The following ARID4A variants were observed in gnomAD, a reference collection of about 807,000 sequenced individuals.
The protein encoded by ARID4A is AT-rich interactive domain-containing protein 4A.
Under a neutral mutation model 148.6 loss-of-function variants are expected in ARID4A, and 39 were observed. That is an observed-to-expected ratio of 0.26 (90% confidence interval 0.20 to 0.34). The LOEUF (loss-of-function observed/expected upper bound fraction) is 0.34. ARID4A is among the 10% of genes least tolerant of loss of function. The probability of loss-of-function intolerance (pLI) is 1.00; values close to 1 mark genes in which losing one functional copy is unlikely to be tolerated. For synonymous variants in ARID4A, 475 were observed against 481.2 expected (o/e 0.99, Z 0.17); for missense variants, 1,265 against 1,449.1 (o/e 0.87, Z 2.06).
At chr14:58,359,434 A>G (rs765023916) in intron 18 of ARID4A, among the ~76,000 whole-genome samples, 7 of 152,126 alleles carry the variant, frequency 4.6e-5, no homozygotes, top group Non-Finnish European at 1.0e-4. Flanking sequence ...TGATGTGCCT[A>G]CATTGACACA....
intron 7 of ARID4A, among the ~76,000 whole-genome samples, chr14:58,319,169 C>T (rs1205084400): frequency 2.6e-5 from 4 of 152,182 alleles, no homozygotes; most frequent in Non-Finnish European, 4.4e-5. Context: ...AAGCAATTCT[C>T]CTGCTTCAGC....
At chr14:58,367,508 A>G (rs1400861831) in intron 23 of ARID4A, among the ~76,000 whole-genome samples, 1 of 152,262 alleles carries the variant, frequency 6.6e-6, no homozygotes, top group Non-Finnish European at 1.5e-5. Flanking sequence ...CAGGTGGCGG[A>G]AGTACAGAAA....
chr14:58,348,605 TGATGTTA>T, intron 15 of ARID4A, among the ~76,000 whole-genome samples: 1 of 152,186 alleles, frequency 6.6e-6, no homozygotes, highest in Non-Finnish European at 1.5e-5. Flanking sequence ...CAGTGTCCAG[TGATGTTA>T]CATAGTAGGA....
intron 5 of ARID4A, among the ~76,000 whole-genome samples, chr14:58,313,377 A>G (rs2032187122): frequency 6.6e-6 from 1 of 152,142 alleles, no homozygotes; most frequent in Admixed American, 6.5e-5. Context: ...TGCACAACCT[A>G]TTGGTAGATC....
intron 23 of ARID4A, among the ~76,000 whole-genome samples, chr14:58,368,288 T>G (rs1324487737): frequency 2.6e-5 from 4 of 152,202 alleles, no homozygotes; most frequent in South Asian, 2.1e-4. Context: ...AAGCTTATGC[T>G]TATTCCTGGG....
At chr14:58,346,821 G>A (rs924814180) in intron 13 of ARID4A, among the ~76,000 whole-genome samples, 199 bp from the exon 14 acceptor site, 2 of 149,620 alleles carry the variant, frequency 1.3e-5, no homozygotes, top group African/African-American at 4.9e-5. Flanking sequence ...CCAACTACTC[G>A]GGAAGCTGAG....
intron 5 of ARID4A, among the ~76,000 whole-genome samples, chr14:58,317,134 A>G (rs1171668375): frequency 9.0e-5 from 13 of 143,792 alleles, no homozygotes; most frequent in Admixed American, 2.1e-4. Flanking sequence ...CGGAGCTTGC[A>G]GTGAGCTGAG....
At chr14:58,322,047 T>G (rs998140341) in intron 7 of ARID4A, among the ~76,000 whole-genome samples, 2 of 151,922 alleles carry the variant, frequency 1.3e-5, no homozygotes, top group African/African-American at 2.4e-5. Context: ...CTTGGCTCAC[T>G]GCAACCTCTG....
rs1219782333 is a variant in ARID4A, at chr14:58,351,118, A to G, written c.1450A>G (p.Ile484Val). ...AGATGTAAATTCTATTAAAAAGGAA[A>G]TTGAAGAAGAGAAAACAGAAGACAA... ...ARDVNSIKKE[I>V]EEEKTEDKLK... Residue 484 changes from isoleucine (I) to valine (V), a missense_variant, in exon 16 of 24, where the codon ATT becomes GTT. Ile to Val is a conservative substitution (Grantham distance 29, BLOSUM62 3). Around this residue, in one of 9 missense-constraint regions of ARID4A, gnomAD observed 205 missense variants for 196.9 expected, o/e 1.04. Coordinates refer to ENST00000355431, the MANE Select transcript of ARID4A (RefSeq NM_002892.4). The G allele has an allele frequency of 1.9e-6, 3 of 1,602,048 alleles. No homozygotes were observed. Among genetic ancestry groups the G allele is most frequent in the Non-Finnish European group, 2.5e-6 (3 of 1,177,192 alleles).
rs2033437008 is a variant in ARID4A, at chr14:58,330,094, T to A, written c.831T>A (p.Ser277Arg). ...GTGAAATCCTTGAGTCATCCAGTAG[T>A]GATGATGAAGATGGCCCAGCTGAAG... ...DISEILESSS[S>R]DDEDGPAEEN... The change falls in exon 11 of 24, where the codon AGT (serine) becomes AGA (arginine). Residue 277 changes from serine (S) to arginine (R), a missense_variant. This residue lies in a region of ARID4A where 249 missense variants were observed against 277.2 expected (regional missense o/e 0.90). Coordinates refer to ENST00000355431, the MANE Select transcript of ARID4A (RefSeq NM_002892.4). The A allele has an allele frequency of 6.2e-7, 1 of 1,613,240 alleles. No homozygotes were observed. Among genetic ancestry groups the A allele is most frequent in the Non-Finnish European group, 8.5e-7 (1 of 1,179,816 alleles).
At chr14:58,300,291 C>T (rs2031036054) in intron 2 of ARID4A, among the ~76,000 whole-genome samples, 1 of 152,036 alleles carries the variant, frequency 6.6e-6, no homozygotes, top group Non-Finnish European at 1.5e-5. Flanking sequence ...GTAAAATGAA[C>T]TTATGTGGCT....
At chr14:58,299,766 A>G in intron 1 of ARID4A, 32 bp from the exon 2 acceptor site, 1 of 1,581,120 alleles carries the variant, frequency 6.3e-7, no homozygotes, top group African/African-American at 1.3e-5. Context: ...TTGACTGATT[A>G]TGTCTGTGCC....
intron 11 of ARID4A, among the ~76,000 whole-genome samples, chr14:58,334,001 T>TA (rs923139225): frequency 6.6e-6 from 1 of 152,174 alleles, no homozygotes; most frequent in Admixed American, 6.5e-5. Context: ...ACTGACTTGC[T>TA]AAAATCTTAA....
chr14:58,319,521 CTTTTTTTTTTTTTTTTTTTTTTTTTTTTT>C (rs71107934), intron 7 of ARID4A, among the ~76,000 whole-genome samples: 1 of 62,044 alleles, frequency 1.6e-5, no homozygotes, highest in Admixed American at 2.2e-4. Context: ...TCTATATACT[CTTTTTTTTTTTTTTTTTTTTTTTTTTTTT>C]TTTTTTTTTT....
At chr14:58,361,668 C>G (rs186624503) in intron 19 of ARID4A, among the ~76,000 whole-genome samples, 1 of 152,288 alleles carries the variant, frequency 6.6e-6, no homozygotes, top group Admixed American at 6.5e-5. Flanking sequence ...AAACAAACAG[C>G]AGGCTTTCAG....
intron 18 of ARID4A, among the ~76,000 whole-genome samples, chr14:58,360,555 C>T (rs2035089614): frequency 6.6e-6 from 1 of 152,090 alleles, no homozygotes; most frequent in African/African-American, 2.4e-5. Context: ...TAGGGAACAG[C>T]GGGGAGTGCG....
At chr14:58,366,418 C>G (rs1359786678) in intron 22 of ARID4A, among the ~76,000 whole-genome samples, 188 bp downstream of exon 22, 3 of 152,138 alleles carry the variant, frequency 2.0e-5, no homozygotes, top group Non-Finnish European at 4.4e-5. Context: ...ATAAAACTGA[C>G]TTGATAAATA....
intron 15 of ARID4A, among the ~76,000 whole-genome samples, chr14:58,349,750 G>A (rs1310166623): frequency 1.3e-5 from 2 of 151,596 alleles, no homozygotes; most frequent in African/African-American, 4.9e-5. Flanking sequence ...AGTATTTCTG[G>A]GACAAAGGTA....
Position 58,318,775 on chromosome 14 carries a change from C to G in ARID4A, c.419C>G (p.Thr140Arg), listed in dbSNP as rs202087993. The change falls in exon 7 of 24, where the codon ACG becomes AGG. Residue 140 changes from threonine to arginine, a missense_variant. By Grantham distance (71) the Thr-to-Arg change is moderately conservative (BLOSUM62 -1). Coordinates refer to ENST00000355431, the MANE Select transcript of ARID4A (RefSeq NM_002892.4). Reference sequence around the variant, plus strand: ...GGAACTCCAGTAATTGCAAAGAAGACGAACAGAGGAAGGAGATCTTCTCTT... The same window carrying G: ...GGAACTCCAGTAATTGCAAAGAAGAGGAACAGAGGAAGGAGATCTTCTCTT... ...HFGTPVIAKK[T>R]NRGRRSSLPV... 4.3e-6 allele frequency: 7 copies of G among 1,613,790 alleles called. No individual in the cohort carries two copies. In the East Asian group the frequency reaches 1.1e-4, roughly 26 times the overall value.
Sources: gnomAD v4.1 joint callset for allele counts (sites outside exome capture counted in the v4.1 genomes callset) on GRCh38, gnomAD v4.1.1 for gene constraint, gnomAD v4.1.1 regional missense constraint, MANE v1.5 for transcripts, NCBI Gene and HGNC (gene_info 2026-07-23, HGNC 2026-07-21) for gene names.